CERS3: variants seen among roughly 807,000 people sequenced by gnomAD.
The protein encoded by CERS3 is LAG1 homolog, ceramide synthase 3.
Under a neutral mutation model 50.3 loss-of-function variants are expected in CERS3, and 33 were observed. That is an observed-to-expected ratio of 0.66 (90% CI 0.50 to 0.88). CERS3 has a LOEUF of 0.88. CERS3 is among the 40% of genes least tolerant of loss of function. The pLI is 0.00. For synonymous variants in CERS3, 176 were observed against 155.2 expected (o/e 1.13, Z -0.99); for missense variants, 470 against 460.3 (o/e 1.02, Z -0.19).
intron 11 of CERS3, among the ~76,000 whole-genome samples, chr15:100,424,665 C>T (rs2654610): frequency 1 from 152,251 of 152,374 alleles, 76,064 homozygotes; most frequent in Non-Finnish European, 1. Context: ...AGCAGCAATG[C>T]GTTCAAGAAG....
intron 4 of CERS3, 78 bp from the exon 5 acceptor site, chr15:100,484,746 G>A (rs2035437901): frequency 3.8e-6 from 4 of 1,059,978 alleles, no homozygotes; most frequent in Admixed American, 1.7e-5. Context: ...CGGAGATTGA[G>A]TTACAAGAGC....
At chr15:100,474,683 G>A (rs537194181) in intron 8 of CERS3, among the ~76,000 whole-genome samples, 24 of 152,370 alleles carry the variant, frequency 1.6e-4, no homozygotes, top group South Asian at 4.1e-4. Flanking sequence ...GATCACAGGC[G>A]TGAGCCTCTG....
chr15:100,480,940 C>A (rs2035281048), intron 5 of CERS3, among the ~76,000 whole-genome samples: 1 of 152,140 alleles, frequency 6.6e-6, no homozygotes, highest in Non-Finnish European at 1.5e-5. Flanking sequence ...ACACTTAATT[C>A]ATTATGCAGT....
At chr15:100,514,984 G>C (rs2036450747) in intron 2 of CERS3, among the ~76,000 whole-genome samples, 2 of 152,166 alleles carry the variant, frequency 1.3e-5, no homozygotes, top group East Asian at 1.9e-4. Context: ...CAGCGCTATA[G>C]ATATGAAGAA....
At chr15:100,544,542 C>CCTTG in intron 1 of CERS3, 2 of 147,558 alleles carry the variant, frequency 1.4e-5, no homozygotes, top group Non-Finnish European at 3.0e-5. Flanking sequence ...GTCTGGGCGG[C>CCTTG]ACCTGCGGGG....
chr15:100,503,857 T>A, intron 2 of CERS3: 1 of 425,230 alleles, frequency 2.4e-6, no homozygotes. Context: ...ATCTGTGGGA[T>A]GCAAATCGGG....
chr15:100,519,325 A>G (rs573697241), intron 2 of CERS3, among the ~76,000 whole-genome samples: 320 of 152,298 alleles, frequency 2.1e-3, no homozygotes, highest in Middle Eastern at 3.4e-3. Context: ...ACCTTCCAGC[A>G]GCAGCTCTGG....
chr15:100,413,093 T>C (rs1300965614), intron 11 of CERS3, among the ~76,000 whole-genome samples: 1 of 152,186 alleles, frequency 6.6e-6, no homozygotes, highest in African/African-American at 2.4e-5. Context: ...CAAATTGTGA[T>C]GGATGCAGAA....
intron 10 of CERS3, among the ~76,000 whole-genome samples, chr15:100,467,839 A>G (rs866179368): frequency 0.016 from 1,242 of 79,448 alleles, 26 homozygotes; most frequent in African/African-American, 0.051. Flanking sequence ...ATATACGTGT[A>G]TATATATATA....
intron 9 of CERS3, among the ~76,000 whole-genome samples, chr15:100,469,977 G>C (rs768510321): frequency 5.3e-5 from 8 of 152,122 alleles, no homozygotes; most frequent in Non-Finnish European, 1.5e-5. Context: ...GGCAGCTCTC[G>C]GGGTCCTGAA....
chr15:100,496,192 G>A (rs72759150), intron 3 of CERS3, among the ~76,000 whole-genome samples: 7,975 of 152,152 alleles, frequency 0.052, 294 homozygotes, highest in Admixed American at 0.11. Flanking sequence ...TCTTTGCCAA[G>A]AGAAATAAAA....
intron 1 of CERS3, among the ~76,000 whole-genome samples, chr15:100,542,856 A>C (rs890200869): frequency 7.2e-5 from 11 of 152,192 alleles, no homozygotes; most frequent in Non-Finnish European, 1.3e-4. Context: ...TTCATAAAAT[A>C]ATACTTATCT....
intron 1 of CERS3, among the ~76,000 whole-genome samples, chr15:100,535,626 T>C (rs1228400929): frequency 6.7e-6 from 1 of 150,008 alleles, no homozygotes; most frequent in Non-Finnish European, 1.5e-5. Flanking sequence ...TAAGCACGAT[T>C]AGAAGTATCC....
intron 11 of CERS3, among the ~76,000 whole-genome samples, chr15:100,404,179 C>A (rs537926805): frequency 2.9e-4 from 43 of 150,404 alleles, no homozygotes; most frequent in Non-Finnish European, 4.3e-4. Context: ...ACCCTGCTAA[C>A]TGACACCTTG....
At chr15:100,402,973 T>C in intron 11 of CERS3, 108 bp from the exon 12 acceptor site, 5 of 1,087,430 alleles carry the variant, frequency 4.6e-6, no homozygotes, top group Non-Finnish European at 6.5e-6. Flanking sequence ...GAAAACCCAA[T>C]ATCCAAATAA....
chr15:100,537,867 A>G (rs1435495610), intron 1 of CERS3, among the ~76,000 whole-genome samples: 3 of 152,194 alleles, frequency 2.0e-5, no homozygotes, highest in Non-Finnish European at 4.4e-5. Context: ...GTCCAAGTCC[A>G]AAGTTTCATC....
chr15:100,463,328 A>T (rs1242567085), intron 10 of CERS3, among the ~76,000 whole-genome samples: 1 of 148,966 alleles, frequency 6.7e-6, no homozygotes, highest in Admixed American at 6.8e-5. Flanking sequence ...CCAGCAACTC[A>T]GGAGGCTGAG....
rs115304652 is a variant in CERS3, at chr15:100,487,157, G to A, written c.289-2489C>T. ...ATTTATTGACCATCTGTAATGACCAGAAAATAGTGCAAGATGTCATGGGAA... is the reference window on the plus strand; with the variant it reads ...ATTTATTGACCATCTGTAATGACCAAAAAATAGTGCAAGATGTCATGGGAA... On this transcript the variant is annotated intron_variant, in intron 4 of 11. Transcript: ENST00000679737. Among the ~76,000 whole-genome samples, 868 of 152,280 alleles carry A rather than the reference G, an allele frequency of 5.7e-3. 12 individuals carry two copies. Among genetic ancestry groups the A allele is most frequent in the African/African-American group, 0.02 (823 of 41,560 alleles).
intron 4 of CERS3, among the ~76,000 whole-genome samples, chr15:100,488,160 G>T (rs1311434486): frequency 6.6e-6 from 1 of 152,120 alleles, no homozygotes; most frequent in Non-Finnish European, 1.5e-5. Flanking sequence ...TCTCACTGAG[G>T]CTCATGTGTA....
Sources: gnomAD v4.1 joint callset for allele counts (sites outside exome capture counted in the v4.1 genomes callset) on GRCh38, gnomAD v4.1.1 for gene constraint, MANE v1.5 for transcripts, NCBI Gene and HGNC (gene_info 2026-07-23, HGNC 2026-07-21) for gene names.